B4GALNT2: variants seen among roughly 807,000 people sequenced by gnomAD.
B4GALNT2 encodes beta-1,4-N-acetyl-galactosaminyltransferase 2 (SID blood group), also known as N-acetylneuraminylgalactosylglucosyl-glucoside beta-1,4-N- acetylgalactosaminyltransferase 2.
A neutral mutation model predicts 51.1 loss-of-function variants in B4GALNT2; 42 were observed. That is an observed-to-expected ratio of 0.82 (90% CI 0.64 to 1.06). The LOEUF (loss-of-function observed/expected upper bound fraction) is 1.06. Among genes scored for constraint, B4GALNT2 ranks in the 50% least tolerant of loss-of-function variants. The pLI, the probability that B4GALNT2 is intolerant of heterozygous loss-of-function variation, is 0.00. For missense variants in B4GALNT2, 602 were observed against 633.6 expected, an observed-to-expected ratio of 0.95 and a Z score of 0.54; for synonymous variants, 253 against 251.7, an observed-to-expected ratio of 1.01 and a Z score of -0.05.
intron 1 of B4GALNT2, among the ~76,000 whole-genome samples, chr17:49,137,566 G>A (rs1045957005): frequency 4.6e-5 from 7 of 152,112 alleles, no homozygotes; most frequent in Non-Finnish European, 8.8e-5. Context: ...CAGGTATTCT[G>A]TTATAGCAGC....
chr17:49,155,201 G>C (rs1200382263), intron 4 of B4GALNT2, among the ~76,000 whole-genome samples: 1 of 149,682 alleles, frequency 6.7e-6, no homozygotes, highest in African/African-American at 2.5e-5. Context: ...CCCAGTACTC[G>C]TGAGGAGAAT....
In B4GALNT2 at chr17:49,173,900, C is replaced by G. The variant is rs938844374; in HGVS notation, c.*4172C>G. Reference sequence around the variant, plus strand: ...ACTTGCTTTTTGATGAGCTGCAGCTCTGCATCAGCTTCTTTTGTTAATTGC... The same window carrying G: ...ACTTGCTTTTTGATGAGCTGCAGCTGTGCATCAGCTTCTTTTGTTAATTGC... On this transcript the variant is annotated 3_prime_UTR_variant, in exon 11 of 11. Transcript: ENST00000393354. 2.6e-5 allele frequency: 4 copies of G among 152,300 alleles called. No homozygotes were observed. The highest frequency in any genetic ancestry group is 1.3e-4 in the Admixed American group (2 of 15,286). The allele number at this position is 152,300 out of a possible 1,614,324, so 9.4% of individuals were successfully genotyped here.
At chr17:49,120,447 G>A in the B4GALNT2 span, among the ~76,000 whole-genome samples, 1 of 151,082 alleles carries the variant, frequency 6.6e-6, no homozygotes, top group South Asian at 2.1e-4. Context: ...AGAAGCACAG[G>A]TGAGTGGAGG....
chr17:49,156,585 C>G lies in B4GALNT2; in HGVS notation c.480C>G (p.Pro160=). ...CTCCAGGCCTCCAGTTTGAAGGACC[C>G]GATGCCCCCGTCTATGAGGTGAGTC... is the stretch of plus-strand genomic sequence containing the variant. ...VPIPGLQFEG[P]DAPVYEVTLT... is the part of the protein sequence containing the mutation. Residue 160 remains proline, a synonymous_variant, in exon 5 of 11, where the codon CCC becomes CCG. Transcript: ENST00000393354. 6.2e-7 allele frequency: 1 copy of G among 1,613,758 alleles called. No individual in the cohort carries two copies. The highest frequency in any genetic ancestry group is 8.5e-7 in the Non-Finnish European group (1 of 1,179,914).
intron 7 of B4GALNT2, among the ~76,000 whole-genome samples, chr17:49,161,464 G>A (rs573976046): frequency 1.7e-4 from 26 of 152,018 alleles, no homozygotes; most frequent in Admixed American, 4.6e-4. Context: ...CTCAGGAGGC[G>A]GAGATGGGAG....
chr17:49,129,411 A>G (rs144296580), upstream of B4GALNT2, among the ~76,000 whole-genome samples: 6 of 152,120 alleles, frequency 3.9e-5, no homozygotes, highest in Non-Finnish European at 8.8e-5. Flanking sequence ...ACAAGATGGG[A>G]TGGGTGGCCA....
Position 49,169,785 on chromosome 17 carries a change from C to A in B4GALNT2, c.*57C>A, listed in dbSNP as rs2042945747. 1.4e-6 allele frequency: 2 copies of A among 1,443,600 alleles called. No individual in the cohort carries two copies. Among genetic ancestry groups the A allele is most frequent in the African/African-American group, 1.4e-5 (1 of 70,156 alleles). 89.4% of individuals were successfully genotyped at this position (1,443,600 alleles called of 1,614,324 possible). A position where few individuals can be genotyped will look rare whatever the true frequency, so the allele number is the denominator to read the frequency against. On this transcript the variant is annotated 3_prime_UTR_variant, in exon 11 of 11. Transcript: ENST00000393354. ...GGCTGGTTATGGTATCTATAGCAGG[C>A]CACCAAAAACTGGACTCCTGATAGG...
upstream of B4GALNT2, among the ~76,000 whole-genome samples, chr17:49,130,287 A>C (rs1257561613): frequency 6.6e-6 from 1 of 152,204 alleles, no homozygotes; most frequent in Non-Finnish European, 1.5e-5. Flanking sequence ...GAAAAGAGCC[A>C]CTTTATTTCG....
rs1160259416 is a variant in B4GALNT2, at chr17:49,164,091, G to A, written c.770G>A (p.Arg257Lys). The A allele has an allele frequency of 3.1e-6, 5 of 1,613,774 alleles. No homozygotes were observed. The highest frequency in any genetic ancestry group is 1.7e-4 in the Middle Eastern group (1 of 6,056). Residue 257 changes from arginine (R) to lysine (K), a missense_variant, in exon 8 of 11, where the codon AGG becomes AAG. Transcript: ENST00000393354. ...IPKLYDPGPE[R>K]KLRNLVTIAT... Reference sequence around the variant, plus strand: ...ACACCCACTGTTTTCTGCCCAGAGAGGAAGCTCAGAAACCTGGTTACCATT... The same window carrying A: ...ACACCCACTGTTTTCTGCCCAGAGAAGAAGCTCAGAAACCTGGTTACCATT...
At chr17:49,130,804 G>C (rs955079816), upstream of B4GALNT2, among the ~76,000 whole-genome samples, 1 of 152,060 alleles carries the variant, frequency 6.6e-6, no homozygotes, top group Non-Finnish European at 1.5e-5. Context: ...TGGGTTGAGG[G>C]GTTGTAGTAT....
chr17:49,146,121 C>G (rs141184624), intron 3 of B4GALNT2, among the ~76,000 whole-genome samples: 2,710 of 152,230 alleles, frequency 0.018, 33 homozygotes, highest in Non-Finnish European at 0.028. Flanking sequence ...ATATTGGACA[C>G]TGATTCAGAG....
At chr17:49,162,136 C>T (rs915673471) in intron 7 of B4GALNT2, among the ~76,000 whole-genome samples, 2 of 151,384 alleles carry the variant, frequency 1.3e-5, no homozygotes, top group Admixed American at 6.6e-5. Context: ...TACAGGCGCC[C>T]GCCACCATGC....
In B4GALNT2 at chr17:49,175,165, T is replaced by C. The variant is rs1033174702; in HGVS notation, c.*5437T>C. 3.3e-5 allele frequency: 5 copies of C among 152,184 alleles called. No homozygotes were observed. The highest frequency in any genetic ancestry group is 5.9e-5 in the Non-Finnish European group (4 of 68,020). The allele number at this position is 152,184 out of a possible 1,614,324, so 9.4% of individuals were successfully genotyped here. On this transcript the variant is annotated 3_prime_UTR_variant, in exon 11 of 11. Transcript: ENST00000393354. ...GACAGCCAGTGCTGTAGAGAAATGA[T>C]TGAAATGTCTGCTCCTGTATCTACC...
In B4GALNT2 at chr17:49,133,261, G is replaced by T. The variant is rs767986430; in HGVS notation, c.14+455G>T. 4 of 1,445,430 alleles carry T rather than the reference G, an allele frequency of 2.8e-6. No homozygotes were observed. The African/African-American group carries it at 6.0e-5, about 22-fold the overall frequency. 89.5% of individuals were successfully genotyped at this position (1,445,430 alleles called of 1,614,324 possible). A position where few individuals can be genotyped will look rare whatever the true frequency, so the allele number is the denominator to read the frequency against. On this transcript the variant is annotated intron_variant, in intron 1 of 10. Coordinates refer to ENST00000393354, the MANE Select transcript of B4GALNT2 (RefSeq NM_001159387.2). ...GCGCGGGGACTGCGGGCTGTGGACAGTCGGGGAGCCCGGCGGCTTGGTCTC... is the reference window on the plus strand; with the variant it reads ...GCGCGGGGACTGCGGGCTGTGGACATTCGGGGAGCCCGGCGGCTTGGTCTC...
chr17:49,160,516 A>G (rs754808700), intron 6 of B4GALNT2, 39 bp from the exon 7 acceptor site: 6 of 1,587,054 alleles, frequency 3.8e-6, no homozygotes, highest in South Asian at 3.3e-5. Context: ...TAATCCAGAC[A>G]TGATACTCCC....
At position 49,160,583 on chromosome 17, in the gene B4GALNT2, C is replaced by G. The variant is rs762521960; in HGVS notation, c.708C>G (p.Ala236=). The change falls in exon 7 of 11, where the codon GCC becomes GCG. Residue 236 remains alanine, a synonymous_variant. Coordinates refer to ENST00000393354, the MANE Select transcript of B4GALNT2 (RefSeq NM_001159387.2). ...IVSLESRSSV[A]KFPVTIRHPV... ...GTCTGGAGTCCAGGTCCTCAGTGGC[C>G]AAGTTTCCAGTGACCATCCGCCATC... The G allele has an allele frequency of 3.1e-6, 5 of 1,614,026 alleles. No individual in the cohort carries two copies. The highest frequency in any genetic ancestry group is 4.2e-6 in the Non-Finnish European group (5 of 1,180,008).
intron 1 of B4GALNT2, among the ~76,000 whole-genome samples, chr17:49,136,634 C>T (rs935810717): frequency 5.3e-5 from 8 of 152,128 alleles, no homozygotes; most frequent in Admixed American, 2.6e-4. Context: ...GCAACCTCCA[C>T]CTCCTGGGTT....
At chr17:49,123,896 C>G in the B4GALNT2 span, among the ~76,000 whole-genome samples, 2 of 151,884 alleles carry the variant, frequency 1.3e-5, no homozygotes, top group African/African-American at 4.8e-5. Flanking sequence ...ACCATTCCAG[C>G]CAAAGCCTTG....
intron 3 of B4GALNT2, among the ~76,000 whole-genome samples, chr17:49,150,197 TG>T (rs1300678095): frequency 2.1e-5 from 2 of 96,164 alleles, no homozygotes; most frequent in African/African-American, 4.2e-5. Flanking sequence ...GGGAGGGAGG[TG>T]GGGGGGTCAG....
Sources: allele counts gnomAD v4.1 joint callset (sites outside exome capture counted in the v4.1 genomes callset), GRCh38; gene constraint gnomAD v4.1.1; transcripts MANE v1.5; gene names NCBI Gene and HGNC (gene_info 2026-07-23, HGNC 2026-07-21).